Variants in UBE2H observed in about 807,000 individuals in gnomAD.
The protein encoded by UBE2H is ubiquitin conjugating enzyme E2 H.
In UBE2H, 3 loss-of-function variants were observed where a neutral mutation model predicts 29.0. That is an observed-to-expected ratio of 0.10 (90% CI 0.05 to 0.27). UBE2H has a LOEUF of 0.27. Among genes scored for constraint, UBE2H ranks in the 10% least tolerant of loss-of-function variants. The pLI is 1.00. For synonymous variants in UBE2H, 69 were observed against 82.9 expected (o/e 0.83, Z 0.91); for missense variants, 68 against 228.2 (o/e 0.30, Z 4.52).
At chr7:129,850,228 G>A (rs1306835916) in intron 5 of UBE2H, among the ~76,000 whole-genome samples, 2 of 152,070 alleles carry the variant, frequency 1.3e-5, no homozygotes, top group Non-Finnish European at 2.9e-5. Context: ...TTAGCCTGAT[G>A]TGGTGGTGCA....
intron 1 of UBE2H, among the ~76,000 whole-genome samples, chr7:129,940,869 G>A (rs995347714): frequency 6.6e-6 from 1 of 152,200 alleles, no homozygotes; most frequent in African/African-American, 2.4e-5. Context: ...AATCACTAAT[G>A]CAACAACAGC....
chr7:129,843,949 C>T (rs975167000), intron 5 of UBE2H, among the ~76,000 whole-genome samples: 1 of 152,136 alleles, frequency 6.6e-6, no homozygotes, highest in African/African-American at 2.4e-5. Flanking sequence ...TCACAGACAA[C>T]GTGTTATAAA....
At chr7:129,917,142 C>T (rs1239500179) in intron 1 of UBE2H, among the ~76,000 whole-genome samples, 3 of 152,072 alleles carry the variant, frequency 2.0e-5, no homozygotes, top group South Asian at 2.1e-4. Flanking sequence ...TGCAGTGAGC[C>T]GAGATCGTGC....
rs1460517376 is a variant in UBE2H, at chr7:129,831,309, C to T, written c.*3628G>A. ...AAATCTTGCTAACTTTTTTAAATGG[C>T]TTTTACTTTTCTAAGTCACTGAAAC... is the stretch of plus-strand genomic sequence containing the variant. On this transcript the variant is annotated 3_prime_UTR_variant, in exon 7 of 7. Transcript: ENST00000355621. The T allele has an allele frequency of 6.6e-6, 1 of 152,216 alleles. No homozygotes were observed. Among genetic ancestry groups the T allele is most frequent in the Non-Finnish European group, 1.5e-5 (1 of 68,032 alleles). The allele number at this position is 152,216 out of a possible 1,614,324, so 9.4% of individuals were successfully genotyped here. A position where few individuals can be genotyped will look rare whatever the true frequency, so the allele number is the denominator to read the frequency against.
At chr7:129,857,715 A>T (rs1418234851) in intron 4 of UBE2H, 152 bp from the exon 5 acceptor site, 1 of 800,626 alleles carries the variant, frequency 1.2e-6, no homozygotes, top group Non-Finnish European at 2.0e-6. Context: ...GAGGAACAGA[A>T]TAGTACCAGG....
intron 1 of UBE2H, among the ~76,000 whole-genome samples, chr7:129,917,206 A>G (rs1335326363): frequency 6.6e-6 from 1 of 152,140 alleles, no homozygotes; most frequent in Non-Finnish European, 1.5e-5. Flanking sequence ...CAAACAAACA[A>G]AAAGTTCCAT....
At chr7:129,895,735 C>A (rs1027357979) in intron 1 of UBE2H, among the ~76,000 whole-genome samples, 1 of 152,030 alleles carries the variant, frequency 6.6e-6, no homozygotes, top group Non-Finnish European at 1.5e-5. Context: ...CCCGTCTCTA[C>A]TAAAAATACA....
intron 6 of UBE2H, among the ~76,000 whole-genome samples, chr7:129,837,467 TAG>T (rs779746300): frequency 1.3e-5 from 2 of 151,796 alleles, no homozygotes; most frequent in Admixed American, 6.6e-5. Flanking sequence ...GGAAAAAAAC[TAG>T]AGGAGTTTAA....
intron 1 of UBE2H, among the ~76,000 whole-genome samples, chr7:129,891,262 C>T (rs374094803): frequency 6.6e-6 from 1 of 151,566 alleles, no homozygotes; most frequent in South Asian, 2.1e-4. Context: ...CTTGGCTCAC[C>T]GCAACCTCTG....
rs56362841 is a variant in UBE2H, at chr7:129,854,060, GTTTTTTTTTTTTT to G, written c.298+3438_298+3450del. Among the ~76,000 whole-genome samples, 17 of 100,282 alleles carry G rather than the reference GTTTTTTTTTTTTT, an allele frequency of 1.7e-4. No homozygotes were observed. In the East Asian group the frequency reaches 4.6e-3, roughly 27 times the overall value. 65.8% of individuals were successfully genotyped at this position (100,282 alleles called of 152,430 possible). On this transcript the variant is annotated intron_variant, in intron 5 of 6. Coordinates refer to ENST00000355621, the MANE Select transcript of UBE2H (RefSeq NM_003344.4). ...TTCTCCTATTAGTTATTTAGTGTTA[GTTTTTTTTTTTTT>G]TTTTTTTTTGGCGGGGCAGGGGTTG...
At chr7:129,895,927 T>C (rs965925311) in intron 1 of UBE2H, among the ~76,000 whole-genome samples, 1 of 152,104 alleles carries the variant, frequency 6.6e-6, no homozygotes, top group African/African-American at 2.4e-5. Flanking sequence ...GGTATGTGTC[T>C]TTGCTATACC....
At chr7:129,914,112 G>T (rs1260940350) in intron 1 of UBE2H, among the ~76,000 whole-genome samples, 1 of 152,020 alleles carries the variant, frequency 6.6e-6, no homozygotes. Context: ...CCACAACCAG[G>T]TGCAACATAG....
chr7:129,888,167 G>T (rs1057127793), intron 1 of UBE2H, among the ~76,000 whole-genome samples: 1 of 152,086 alleles, frequency 6.6e-6, no homozygotes, highest in African/African-American at 2.4e-5. Context: ...AATTTTTAAG[G>T]GTTTTTAATG....
chr7:129,883,524 C>T (rs1321418877), intron 1 of UBE2H, among the ~76,000 whole-genome samples: 1 of 152,094 alleles, frequency 6.6e-6, no homozygotes, highest in Non-Finnish European at 1.5e-5. Flanking sequence ...TATAGTCACC[C>T]AAAAGAAAAT....
At chr7:129,873,227 G>A (rs1412321323) in intron 3 of UBE2H, among the ~76,000 whole-genome samples, 1 of 151,478 alleles carries the variant, frequency 6.6e-6, no homozygotes, top group Non-Finnish European at 1.5e-5. Flanking sequence ...CACTGTGTTA[G>A]CCAGGATGGT....
At chr7:129,936,927 G>A (rs1020835553) in intron 1 of UBE2H, among the ~76,000 whole-genome samples, 5 of 151,630 alleles carry the variant, frequency 3.3e-5, no homozygotes, top group African/African-American at 7.3e-5. Flanking sequence ...GCAGTGAGCC[G>A]AGATCACGCC....
chr7:129,906,212 C>CT (rs368590267), intron 1 of UBE2H, among the ~76,000 whole-genome samples: 26,768 of 142,956 alleles, frequency 0.19, 2,716 homozygotes, highest in African/African-American at 0.27. Context: ...TTTTTTCTTT[C>CT]TTTTTTTTTT....
chr7:129,850,542 G>T (rs1385386375), intron 5 of UBE2H, among the ~76,000 whole-genome samples: 2 of 152,186 alleles, frequency 1.3e-5, no homozygotes, highest in Non-Finnish European at 2.9e-5. Flanking sequence ...CGCTGGCCTG[G>T]CGTGGTGGCA....
chr7:129,832,884 C>T lies in UBE2H; in HGVS notation c.*2053G>A, dbSNP rs1488381279. The stretch of plus-strand genomic sequence containing the variant: ...ATAGCACCTACAATAAATGTCATAG[C>T]ACAAGCAAACTGCAAAGTCAGCAGG... On this transcript the variant is annotated 3_prime_UTR_variant, in exon 7 of 7. Transcript: ENST00000355621. 2.0e-5 allele frequency: 3 copies of T among 152,148 alleles called. No individual in the cohort carries two copies. Among genetic ancestry groups the T allele is most frequent in the Non-Finnish European group, 4.4e-5 (3 of 68,040 alleles). 9.4% of individuals were successfully genotyped at this position (152,148 alleles called of 1,614,324 possible). A position where few individuals can be genotyped will look rare whatever the true frequency, so the allele number is the denominator to read the frequency against.
Sources: gnomAD v4.1 joint callset for allele counts (sites outside exome capture counted in the v4.1 genomes callset) on GRCh38, gnomAD v4.1.1 for gene constraint, MANE v1.5 for transcripts, NCBI Gene and HGNC (gene_info 2026-07-23, HGNC 2026-07-21) for gene names.